The following ACER3 variants were observed in gnomAD, a reference collection of about 807,000 sequenced individuals.
The protein encoded by ACER3 is alkaline ceramidase 3.
ACER3 carries 16 observed loss-of-function variants against 48.9 expected under a neutral mutation model. That is an observed-to-expected ratio of 0.33 (90% CI 0.22 to 0.50). The LOEUF is 0.50. Among genes scored for constraint, ACER3 ranks in the 20% least tolerant of loss-of-function variants. The probability of loss-of-function intolerance (pLI) is 0.98; values close to 1 mark genes in which losing one functional copy is unlikely to be tolerated. For synonymous variants in ACER3, 109 were observed against 107.8 expected, an observed-to-expected ratio of 1.01 and a Z score of -0.07; for missense variants, 227 against 326.0, an observed-to-expected ratio of 0.70 and a Z score of 2.34.
chr11:76,954,865 G>A (rs1407469124), intron 2 of ACER3, among the ~76,000 whole-genome samples: 2 of 152,082 alleles, frequency 1.3e-5, no homozygotes, highest in Non-Finnish European at 2.9e-5. Context: ...GCCTCCCAAA[G>A]TCCTGGGTTT....
At chr11:76,886,027 T>C (rs750228720) in intron 1 of ACER3, among the ~76,000 whole-genome samples, 5 of 152,204 alleles carry the variant, frequency 3.3e-5, no homozygotes, top group Non-Finnish European at 5.9e-5. Context: ...ATTAACCAAG[T>C]ATATAAGTGT....
chr11:76,996,108 G>A (rs1027470759), intron 6 of ACER3, among the ~76,000 whole-genome samples: 3 of 151,972 alleles, frequency 2.0e-5, no homozygotes, highest in Admixed American at 1.3e-4. Context: ...AACTGTCCAT[G>A]CCACAAACCA....
At chr11:76,864,617 T>TTTTTTTTTTTA (rs1945026822) in intron 1 of ACER3, among the ~76,000 whole-genome samples, 1 of 146,444 alleles carries the variant, frequency 6.8e-6, no homozygotes. Flanking sequence ...TTTTTTTTTT[T>TTTTTTTTTTTA]GAGGTAGAGT....
At chr11:76,915,755 A>C (rs554920266) in intron 1 of ACER3, among the ~76,000 whole-genome samples, 1 of 152,362 alleles carries the variant, frequency 6.6e-6, no homozygotes, top group African/African-American at 2.4e-5. Context: ...CAGTCATGGA[A>C]GAAGGCGAAG....
chr11:76,969,076 T>A (rs559014800), intron 3 of ACER3, among the ~76,000 whole-genome samples: 18 of 152,032 alleles, frequency 1.2e-4, no homozygotes, highest in Admixed American at 7.2e-4. Flanking sequence ...GAATCTACAA[T>A]GAACTCAAAC....
chr11:77,002,434 C>G (rs1469486665), intron 7 of ACER3, among the ~76,000 whole-genome samples: 1 of 152,116 alleles, frequency 6.6e-6, no homozygotes, highest in Non-Finnish European at 1.5e-5. Flanking sequence ...TTGATCCAGC[C>G]TTGTATCCTG....
At chr11:76,943,721 A>G (rs1040689460) in intron 2 of ACER3, among the ~76,000 whole-genome samples, 3 of 146,090 alleles carry the variant, frequency 2.1e-5, no homozygotes, top group Non-Finnish European at 3.0e-5. Context: ...TTGATGATCT[A>G]TCTAGTGCGG....
intron 1 of ACER3, among the ~76,000 whole-genome samples, chr11:76,910,437 T>A (rs878878658): frequency 6.6e-6 from 1 of 152,184 alleles, no homozygotes; most frequent in African/African-American, 2.4e-5. Flanking sequence ...CCTATCAGAA[T>A]AAAGGTGTTT....
chr11:76,899,377 G>A (rs1946022556), intron 1 of ACER3, among the ~76,000 whole-genome samples: 2 of 152,182 alleles, frequency 1.3e-5, no homozygotes, highest in South Asian at 4.1e-4. Context: ...TTTTTCAGCA[G>A]TGTAATAGTT....
intron 7 of ACER3, among the ~76,000 whole-genome samples, chr11:76,999,306 C>T (rs1174113959): frequency 6.6e-6 from 1 of 151,462 alleles, no homozygotes; most frequent in East Asian, 1.9e-4. Flanking sequence ...AAATAACATT[C>T]ATGAGATTAC....
rs756362938 is a variant in ACER3 at position 76,872,905 on chromosome 11, C to CTTTTTTTTTTTTTTTTTTTTT, written c.103+11831_103+11832insTTTTTTTTTTTTTTTTTTTTT. On this transcript the variant is annotated intron_variant, in intron 1 of 10. Coordinates refer to ENST00000532485, the MANE Select transcript of ACER3 (RefSeq NM_018367.7). ...TCTTTTCTTTCTTTCTTTCTTTTTT[C>CTTTTTTTTTTTTTTTTTTTTT]TTTTTCTTTTTTTTTTTTTTTTTTG... Among the ~76,000 whole-genome samples the CTTTTTTTTTTTTTTTTTTTTT allele has an allele frequency of 1.6e-4, 15 of 94,574 alleles. 1 individual carries two copies. The highest frequency in any genetic ancestry group is 3.5e-4 in the South Asian group (1 of 2,836). The allele number at this position is 94,574 out of a possible 152,430, so 62.0% of individuals were successfully genotyped here.
chr11:76,868,367 G>C, intron 1 of ACER3: 4 of 932,136 alleles, frequency 4.3e-6, no homozygotes, highest in Non-Finnish European at 5.6e-6. Context: ...AAAGAGTTTA[G>C]TTTTAATATC....
At chr11:76,991,160 T>C (rs1948793276) in intron 6 of ACER3, among the ~76,000 whole-genome samples, 1 of 152,196 alleles carries the variant, frequency 6.6e-6, no homozygotes, top group African/African-American at 2.4e-5. Flanking sequence ...GGAATTATTA[T>C]ATACATTTCA....
intron 1 of ACER3, among the ~76,000 whole-genome samples, chr11:76,888,578 G>A (rs1474656886): frequency 6.6e-6 from 1 of 152,168 alleles, no homozygotes. Flanking sequence ...GTTTTCTGTG[G>A]TTATAGGACT....
rs111916741 is a variant in ACER3, at chr11:76,889,178, C to A, written c.103+28099C>A. Among the ~76,000 whole-genome samples, 80 of 152,140 alleles carry A rather than the reference C, an allele frequency of 5.3e-4. 1 individual carries two copies. Among genetic ancestry groups the A allele is most frequent in the African/African-American group, 1.9e-3 (77 of 41,436 alleles). ...TTCCTGTGTGAGCACTGAAACCCAACCTCCTATGGTACTGAGATAAGCAAC... is the reference window on the plus strand; with the variant it reads ...TTCCTGTGTGAGCACTGAAACCCAAACTCCTATGGTACTGAGATAAGCAAC... On this transcript the variant is annotated intron_variant, in intron 1 of 10. Coordinates refer to ENST00000532485, the MANE Select transcript of ACER3 (RefSeq NM_018367.7).
At chr11:76,972,024 T>C (rs938009867) in intron 3 of ACER3, among the ~76,000 whole-genome samples, 1 of 152,240 alleles carries the variant, frequency 6.6e-6, no homozygotes, top group African/African-American at 2.4e-5. Flanking sequence ...CTTTGGTTTC[T>C]AGTCCCTCTG....
intron 1 of ACER3, among the ~76,000 whole-genome samples, chr11:76,871,292 C>T (rs1210645246): frequency 6.6e-6 from 1 of 152,162 alleles, no homozygotes; most frequent in Non-Finnish European, 1.5e-5. Flanking sequence ...GTTTATTTTG[C>T]CAAGGTTAAG....
intron 2 of ACER3, among the ~76,000 whole-genome samples, chr11:76,934,723 C>A (rs1947127572): frequency 7.9e-6 from 1 of 127,276 alleles, no homozygotes; most frequent in Non-Finnish European, 1.5e-5. Flanking sequence ...GGGAGGGAGA[C>A]CGTGGAAAGA....
intron 5 of ACER3, among the ~76,000 whole-genome samples, chr11:76,989,333 T>C (rs1395428728): frequency 6.6e-6 from 1 of 151,910 alleles, no homozygotes; most frequent in Non-Finnish European, 1.5e-5. Context: ...ATGGGATTGC[T>C]ACATTAAATG....
Sources: allele counts gnomAD v4.1 joint callset (sites outside exome capture counted in the v4.1 genomes callset), GRCh38; gene constraint gnomAD v4.1.1; transcripts MANE v1.5; gene names NCBI Gene and HGNC (gene_info 2026-07-23, HGNC 2026-07-21).